CACNA2D3: variants seen among roughly 807,000 people sequenced by gnomAD.
CACNA2D3 encodes the protein voltage-dependent calcium channel subunit alpha-2/delta-3.
In CACNA2D3, 60 loss-of-function variants were observed where a neutral mutation model predicts 160.6. The ratio of observed to expected loss-of-function variants is 0.37; its 90% CI spans 0.30 to 0.46. The LOEUF (loss-of-function observed/expected upper bound fraction) is 0.46. Ranked by LOEUF, CACNA2D3 falls within the 20% of genes least tolerant of loss-of-function variation. CACNA2D3 has a pLI of 1.00. For synonymous variants in CACNA2D3, 558 were observed against 492.9 expected (o/e 1.13, Z -1.75); for missense variants, 1,205 against 1,365.0 (o/e 0.88, Z 1.85).
intron 2 of CACNA2D3, among the ~76,000 whole-genome samples, chr3:54,291,213 A>G (rs1703194953): frequency 6.6e-6 from 1 of 152,188 alleles, no homozygotes; most frequent in Non-Finnish European, 1.5e-5. Context: ...TACTTTACCT[A>G]TCATGAACAT....
At chr3:54,179,808 G>T (rs1245571282) in intron 2 of CACNA2D3, among the ~76,000 whole-genome samples, 2 of 152,106 alleles carry the variant, frequency 1.3e-5, no homozygotes, top group Non-Finnish European at 2.9e-5. Flanking sequence ...CCCTCACCAG[G>T]AACAGAATTG....
rs561075924 is a variant in CACNA2D3, at chr3:54,286,835, T to G, written c.205-33607T>G. 1.8e-4 allele frequency among the ~76,000 whole-genome samples: 28 copies of G among 151,918 alleles called. No individual in the cohort carries two copies. In the East Asian group the frequency reaches 2.9e-3, roughly 16 times the overall value. ...TCATATCCAGCCAAACTAAGCTTCG[T>G]AAGTGAAGGAGAAATAAAATACTTT... On this transcript the variant is annotated intron_variant, in intron 2 of 37. Coordinates refer to ENST00000474759, the MANE Select transcript of CACNA2D3 (RefSeq NM_018398.3).
chr3:54,976,622 A>G (rs1319501582), intron 29 of CACNA2D3, among the ~76,000 whole-genome samples: 1 of 152,080 alleles, frequency 6.6e-6, no homozygotes, highest in Admixed American at 6.6e-5. Flanking sequence ...TTCTTCTTAC[A>G]TTCTTATTGT....
intron 14 of CACNA2D3, among the ~76,000 whole-genome samples, chr3:54,832,036 C>T (rs1703892243): frequency 1.3e-5 from 2 of 150,668 alleles, no homozygotes; most frequent in South Asian, 2.1e-4. Flanking sequence ...CACACACACA[C>T]ACACACACAC....
chr3:54,750,689 G>A (rs963503755), intron 11 of CACNA2D3, among the ~76,000 whole-genome samples: 10 of 148,632 alleles, frequency 6.7e-5, no homozygotes, highest in Non-Finnish European at 1.0e-4. Flanking sequence ...GCCGACAGTG[G>A]ACAGGCAGAG....
intron 4 of CACNA2D3, among the ~76,000 whole-genome samples, chr3:54,471,130 C>G (rs1700724562): frequency 6.6e-6 from 1 of 152,192 alleles, no homozygotes; most frequent in African/African-American, 2.4e-5. Flanking sequence ...CCACATCACA[C>G]TTATTCTAAA....
chr3:54,305,098 T>C (rs1481148702), intron 2 of CACNA2D3, among the ~76,000 whole-genome samples: 1 of 152,188 alleles, frequency 6.6e-6, no homozygotes, highest in Non-Finnish European at 1.5e-5. Flanking sequence ...GTTTGATGGG[T>C]TGTTTAATTC....
rs576375701 is a variant in CACNA2D3 at position 54,480,655 on chromosome 3, TG to T, written c.382-22834del. Among the ~76,000 whole-genome samples the T allele has an allele frequency of 3.2e-3, 492 of 152,292 alleles. 2 individuals are homozygous for T. The highest frequency in any genetic ancestry group is 0.011 in the African/African-American group (464 of 41,568). On this transcript the variant is annotated intron_variant, in intron 4 of 37. Coordinates refer to ENST00000474759, the MANE Select transcript of CACNA2D3 (RefSeq NM_018398.3). The stretch of plus-strand genomic sequence containing the variant: ...ATATAATGATAGTGGCTGGCCAACT[TG>T]GGCTGCCTTCCTCCTTCTAGAGATA...
At chr3:54,921,311 G>C (rs1700842838) in intron 27 of CACNA2D3, among the ~76,000 whole-genome samples, 1 of 152,184 alleles carries the variant, frequency 6.6e-6, no homozygotes, top group South Asian at 2.1e-4. Flanking sequence ...AGTGGGAGAT[G>C]AGGATAATTA....
intron 34 of CACNA2D3, among the ~76,000 whole-genome samples, chr3:55,010,582 T>C (rs1180472166): frequency 6.6e-6 from 1 of 152,212 alleles, no homozygotes; most frequent in Non-Finnish European, 1.5e-5. Context: ...CTTTCCTTCA[T>C]TCATGTTCAT....
intron 5 of CACNA2D3, among the ~76,000 whole-genome samples, chr3:54,543,903 A>T (rs753666381): frequency 3.9e-5 from 6 of 152,166 alleles, no homozygotes; most frequent in Non-Finnish European, 7.4e-5. Flanking sequence ...GAGATTTAAA[A>T]CATTTGAACC....
chr3:54,286,525 A>T (rs1324777327), intron 2 of CACNA2D3, among the ~76,000 whole-genome samples: 1 of 152,254 alleles, frequency 6.6e-6, no homozygotes, highest in Non-Finnish European at 1.5e-5. Context: ...ATCCAGGAGA[A>T]CTTCCTCAAT....
At chr3:54,484,702 G>T (rs765918035) in intron 4 of CACNA2D3, among the ~76,000 whole-genome samples, 5 of 152,164 alleles carry the variant, frequency 3.3e-5, no homozygotes, top group African/African-American at 2.4e-5. Flanking sequence ...CTTGTAACTG[G>T]AAATGGTGAA....
chr3:55,028,788 T>C (rs1703618379), intron 35 of CACNA2D3, among the ~76,000 whole-genome samples: 1 of 152,228 alleles, frequency 6.6e-6, no homozygotes, highest in Non-Finnish European at 1.5e-5. Context: ...TTTTAGTTAG[T>C]ATCACTCATC....
chr3:54,704,397 TG>T (rs1700819955), intron 11 of CACNA2D3, among the ~76,000 whole-genome samples: 1 of 152,286 alleles, frequency 6.6e-6, no homozygotes, highest in African/African-American at 2.4e-5. Flanking sequence ...AACCTTCTAT[TG>T]GGGGGACACT....
At chr3:55,051,580 G>A (rs1042246123) in intron 35 of CACNA2D3, among the ~76,000 whole-genome samples, 5 of 151,954 alleles carry the variant, frequency 3.3e-5, no homozygotes, top group Admixed American at 1.3e-4. Flanking sequence ...CCTCCCTCCA[G>A]AGGTGGAGGC....
chr3:54,247,567 G>A lies in CACNA2D3; in HGVS notation c.205-72875G>A, dbSNP rs183666249. Among the ~76,000 whole-genome samples, 376 of 152,090 alleles carry A rather than the reference G, an allele frequency of 2.5e-3. 1 individual carries two copies. Among genetic ancestry groups the A allele is most frequent in the African/African-American group, 8.7e-3 (361 of 41,458 alleles). ...AAATTAAGTAGAAGGTAAACATTAG[G>A]AACATTGTAAATATAAAAAATAGGA... is the stretch of plus-strand genomic sequence containing the variant. On this transcript the variant is annotated intron_variant, in intron 2 of 37. Coordinates refer to ENST00000474759, the MANE Select transcript of CACNA2D3 (RefSeq NM_018398.3).
At chr3:54,167,352 A>T (rs1393553859) in intron 2 of CACNA2D3, among the ~76,000 whole-genome samples, 1 of 151,758 alleles carries the variant, frequency 6.6e-6, no homozygotes, top group African/African-American at 2.4e-5. Flanking sequence ...ATACCCTCCA[A>T]CTCTGATTAA....
chr3:54,623,053 T>C (rs1173991648), intron 9 of CACNA2D3, among the ~76,000 whole-genome samples: 1 of 152,158 alleles, frequency 6.6e-6, no homozygotes, highest in Non-Finnish European at 1.5e-5. Context: ...CCAGGGTCAT[T>C]GGTTTGGTTG....
Sources: gnomAD v4.1 joint callset for allele counts (sites outside exome capture counted in the v4.1 genomes callset) on GRCh38, gnomAD v4.1.1 for gene constraint, MANE v1.5 for transcripts, NCBI Gene and HGNC (gene_info 2026-07-23, HGNC 2026-07-21) for gene names.